Variants in GABRR3 observed in about 807,000 individuals in gnomAD.
GABRR3 encodes gamma-aminobutyric acid type A receptor subunit rho3.
A neutral mutation model predicts 43.2 loss-of-function variants in GABRR3; 29 were observed. The ratio of observed to expected loss-of-function variants is 0.67; its 90% confidence interval spans 0.50 to 0.92. GABRR3 has a LOEUF of 0.92. GABRR3 is among the 40% of genes least tolerant of loss of function. The probability of loss-of-function intolerance (pLI) is 0.00; values close to 1 mark genes in which losing one functional copy is unlikely to be tolerated. For synonymous variants in GABRR3, 206 were observed against 195.9 expected (o/e 1.05, Z -0.43); for missense variants, 576 against 572.3 (o/e 1.01, Z -0.07).
Position 98,034,820 on chromosome 3 carries a change from A to G in GABRR3, c.125+43T>C, listed in dbSNP as rs372016415. On this transcript the variant is annotated intron_variant, in intron 2 of 9. Transcript: ENST00000621172. ...GTAGGTCTGAGACAACTGTTGAGAGAAACTGGGCAGTAATTCCATGGACTG... is the reference window on the plus strand; with the variant it reads ...GTAGGTCTGAGACAACTGTTGAGAGGAACTGGGCAGTAATTCCATGGACTG... The G allele has an allele frequency of 1.0e-4, 165 of 1,607,612 alleles. 1 individual carries two copies. The South Asian group carries it at 1.3e-3, about 13-fold the overall frequency.
intron 5 of GABRR3, among the ~76,000 whole-genome samples, chr3:98,010,810 C>T (rs1009183879): frequency 6.6e-6 from 1 of 152,128 alleles, no homozygotes; most frequent in African/African-American, 2.4e-5. Context: ...ACTTAAAAGT[C>T]CTATTGAGGC....
intron 9 of GABRR3, among the ~76,000 whole-genome samples, chr3:97,988,418 T>C (rs1327026523): frequency 6.6e-6 from 1 of 152,086 alleles, no homozygotes. Flanking sequence ...CAAGCAATGG[T>C]CAACACCAGG....
intron 9 of GABRR3, among the ~76,000 whole-genome samples, chr3:97,989,544 G>A (rs912868641): frequency 6.6e-6 from 1 of 151,794 alleles, no homozygotes; most frequent in African/African-American, 2.4e-5. Context: ...GGTGGTAGGG[G>A]GGTGATGAAA....
chr3:98,021,263 A>G (rs988803339), intron 3 of GABRR3, among the ~76,000 whole-genome samples: 1 of 152,084 alleles, frequency 6.6e-6, no homozygotes, highest in Admixed American at 6.5e-5. Context: ...TAGAGTAGAG[A>G]GTGAGCAGCA....
chr3:98,030,467 G>T (rs1012361644), intron 2 of GABRR3, among the ~76,000 whole-genome samples: 5 of 152,006 alleles, frequency 3.3e-5, no homozygotes, highest in African/African-American at 9.7e-5. Flanking sequence ...ATACAAAATG[G>T]TTTCTATGCT....
intron 7 of GABRR3, among the ~76,000 whole-genome samples, chr3:98,002,919 G>A (rs1340854173): frequency 1.3e-5 from 2 of 151,968 alleles, no homozygotes; most frequent in South Asian, 4.1e-4. Context: ...TAGGCATTTG[G>A]CCTAAGAAAT....
intron 3 of GABRR3, among the ~76,000 whole-genome samples, chr3:98,023,742 A>G (rs1706979670): frequency 6.6e-6 from 1 of 152,228 alleles, no homozygotes; most frequent in African/African-American, 2.4e-5. Context: ...ATCTTAAATT[A>G]TGATTCAATA....
chr3:98,010,393 T>A (rs776672064), intron 5 of GABRR3, among the ~76,000 whole-genome samples: 2 of 152,146 alleles, frequency 1.3e-5, no homozygotes, highest in African/African-American at 2.4e-5. Flanking sequence ...ATCTACACTT[T>A]CAACTGAGAG....
At chr3:98,010,989 A>G (rs1433795705) in intron 5 of GABRR3, among the ~76,000 whole-genome samples, 1 of 152,058 alleles carries the variant, frequency 6.6e-6, no homozygotes, top group African/African-American at 2.4e-5. Context: ...GACCCCAGCT[A>G]CTCAGGAGGC....
At chr3:98,007,562 G>A (rs1424636661) in intron 7 of GABRR3, among the ~76,000 whole-genome samples, 1 of 152,188 alleles carries the variant, frequency 6.6e-6, no homozygotes, top group Non-Finnish European at 1.5e-5. Flanking sequence ...TGGAAGCAAG[G>A]CATCTAGTTA....
At chr3:98,008,428 C>G (rs931032411) in intron 6 of GABRR3, among the ~76,000 whole-genome samples, 1 of 152,194 alleles carries the variant, frequency 6.6e-6, no homozygotes, top group Non-Finnish European at 1.5e-5. Flanking sequence ...ATTTTAGACA[C>G]ATTTGCAAAA....
chr3:98,026,504 G>A (rs1439698153), intron 2 of GABRR3, among the ~76,000 whole-genome samples: 2 of 152,056 alleles, frequency 1.3e-5, no homozygotes, highest in Non-Finnish European at 2.9e-5. Flanking sequence ...TGGGTGTGGA[G>A]GGGAAATGTC....
At chr3:97,993,515 C>A (rs544684185) in intron 8 of GABRR3, among the ~76,000 whole-genome samples, 16 of 152,180 alleles carry the variant, frequency 1.1e-4, no homozygotes, top group African/African-American at 3.6e-4. Flanking sequence ...CTTGAAAGAT[C>A]TTTAGTAGCA....
At chr3:97,992,361 C>T (rs1440348407) in intron 9 of GABRR3, among the ~76,000 whole-genome samples, 1 of 152,172 alleles carries the variant, frequency 6.6e-6, no homozygotes, top group Non-Finnish European at 1.5e-5. Flanking sequence ...GATTCCTCTT[C>T]AGCTGTGTGA....
intron 4 of GABRR3, 53 bp downstream of exon 4, chr3:98,017,602 T>A: frequency 1.6e-6 from 2 of 1,277,628 alleles, no homozygotes; most frequent in South Asian, 1.3e-5. Flanking sequence ...ATTTTGACAC[T>A]GCCGAGTTTC....
intron 2 of GABRR3, among the ~76,000 whole-genome samples, chr3:98,034,569 T>C (rs1707128288): frequency 6.6e-6 from 1 of 152,158 alleles, no homozygotes; most frequent in African/African-American, 2.4e-5. Context: ...ATAAATGTAC[T>C]ACTAATTGAA....
chr3:98,028,830 G>T (rs1299811836), intron 2 of GABRR3, among the ~76,000 whole-genome samples: 1 of 152,118 alleles, frequency 6.6e-6, no homozygotes, highest in African/African-American at 2.4e-5. Context: ...AGACACCCTC[G>T]TTTGAAGGCC....
rs1706416005 is a variant in GABRR3, at chr3:97,988,529, GGT to G, written c.1105-1549_1105-1548del. Among the ~76,000 whole-genome samples, 5 of 152,104 alleles carry G rather than the reference GGT, an allele frequency of 3.3e-5. No individual in the cohort carries two copies. In the South Asian group the frequency reaches 8.3e-4, roughly 25 times the overall value. ...GAACATGATGGTACTGGGTGGTAGT[GGT>G]GTGTGGTGGTGGATAGTAATAATGT... On this transcript the variant is annotated intron_variant, in intron 9 of 9. Coordinates refer to ENST00000621172, the Ensembl canonical transcript of GABRR3.
chr3:98,008,739 C>A (rs952473371), intron 6 of GABRR3, among the ~76,000 whole-genome samples: 44 of 59,208 alleles, frequency 7.4e-4, no homozygotes, highest in Middle Eastern at 6.7e-3. Flanking sequence ...AAACACTTTT[C>A]CCCTGAACCT....
Sources: gnomAD v4.1 joint callset for allele counts (sites outside exome capture counted in the v4.1 genomes callset) on GRCh38, gnomAD v4.1.1 for gene constraint, MANE v1.5 for transcripts, NCBI Gene and HGNC (gene_info 2026-07-23, HGNC 2026-07-21) for gene names.